ERLIN2: variants seen among roughly 807,000 people sequenced by gnomAD.
The protein encoded by ERLIN2 is ER lipid raft associated 2.
ERLIN2 carries 22 observed loss-of-function variants against 41.5 expected under a neutral mutation model. The ratio of observed to expected loss-of-function variants is 0.53; its 90% confidence interval spans 0.38 to 0.76. ERLIN2 has a LOEUF of 0.76. Among genes scored for constraint, ERLIN2 ranks in the 30% least tolerant of loss-of-function variants. The pLI, the probability that ERLIN2 is intolerant of heterozygous loss-of-function variation, is 0.00. For missense variants in ERLIN2, 247 were observed against 414.3 expected, an observed-to-expected ratio of 0.60 and a Z score of 3.51; for synonymous variants, 149 against 150.9, an observed-to-expected ratio of 0.99 and a Z score of 0.09.
chr8:37,745,606 G>C (rs1803016846), intron 6 of ERLIN2: 1 of 1,613,936 alleles, frequency 6.2e-7, no homozygotes, highest in African/African-American at 1.3e-5. Flanking sequence ...CTTCATAAAA[G>C]GGACCCTGAG....
intron 10 of ERLIN2, among the ~76,000 whole-genome samples, 179 bp from the exon 11 acceptor site, chr8:37,753,271 G>T (rs1803267608): frequency 6.6e-6 from 1 of 152,234 alleles, no homozygotes; most frequent in South Asian, 2.1e-4. Context: ...ACAACAACTT[G>T]TACAATAGGG....
Position 37,749,873 on chromosome 8 carries a change from G to C in ERLIN2, c.557+21G>C. The C allele has an allele frequency of 1.9e-6, 3 of 1,610,600 alleles. No homozygotes were observed. In the East Asian group the frequency reaches 6.7e-5, roughly 36 times the overall value. On this transcript the variant is annotated intron_variant, in intron 8 of 11. Coordinates refer to ENST00000519638, the MANE Select transcript of ERLIN2 (RefSeq NM_007175.8). The stretch of plus-strand genomic sequence containing the variant: ...TTGATGTGAGTATACCCTCCGCCTG[G>C]GCTGTGACCACCACTGCCTCCCACC...
chr8:37,744,870 A>G lies in ERLIN2; in HGVS notation c.424+174A>G, dbSNP rs758904131. 1.5e-4 allele frequency: 115 copies of G among 743,672 alleles called. No individual in the cohort carries two copies. The East Asian group carries it at 3.0e-3, about 19-fold the overall frequency. The allele number at this position is 743,672 out of a possible 1,614,324, so 46.1% of individuals were successfully genotyped here. On this transcript the variant is annotated intron_variant, in intron 6 of 11. Transcript: ENST00000519638. The stretch of plus-strand genomic sequence containing the variant: ...ACAAAGGAGTTCATGGAGAATGCTG[A>G]TAGCTATGCAACAAGATCCTTAGAG...
intron 6 of ERLIN2, chr8:37,745,787 A>T (rs1179477779): frequency 6.9e-7 from 1 of 1,442,122 alleles, no homozygotes. Flanking sequence ...GTAGTCTTTT[A>T]TCTGTTTTGG....
chr8:37,743,436 G>T (rs1476798859), intron 4 of ERLIN2, among the ~76,000 whole-genome samples: 1 of 152,206 alleles, frequency 6.6e-6, no homozygotes, highest in African/African-American at 2.4e-5. Context: ...TCCTCTGTAT[G>T]TGCAAGAAGA....
At chr8:37,748,009 T>G in intron 6 of ERLIN2, 1 of 1,609,982 alleles carries the variant, frequency 6.2e-7, no homozygotes, top group Non-Finnish European at 8.5e-7. Context: ...CGGCATGGTT[T>G]CCAGGAGCAA....
rs139935912 is a variant in ERLIN2, at chr8:37,749,867, C to A, written c.557+15C>A. On this transcript the variant is annotated intron_variant, in intron 8 of 11. Transcript: ENST00000519638. ...TACGAGTTGATGTGAGTATACCCTC[C>A]GCCTGGGCTGTGACCACCACTGCCT... The A allele has an allele frequency of 7.4e-6, 12 of 1,612,752 alleles. No homozygotes were observed. The highest frequency in any genetic ancestry group is 8.5e-6 in the Non-Finnish European group (10 of 1,178,846).
At chr8:37,745,429 A>C (rs1317786941) in intron 6 of ERLIN2, 2 of 818,318 alleles carry the variant, frequency 2.4e-6, no homozygotes, top group African/African-American at 3.4e-5. Flanking sequence ...TTAGCAGCAA[A>C]GGAAGGACAC....
intron 6 of ERLIN2, among the ~76,000 whole-genome samples, chr8:37,747,038 A>C (rs1330281188): frequency 6.6e-6 from 1 of 152,220 alleles, no homozygotes; most frequent in African/African-American, 2.4e-5. Flanking sequence ...GACCAGAGAC[A>C]CTCAAGCACT....
chr8:37,750,670 T>G (rs1803197641), intron 9 of ERLIN2, among the ~76,000 whole-genome samples, 184 bp downstream of exon 9: 1 of 151,904 alleles, frequency 6.6e-6, no homozygotes. Context: ...GGATAATGAG[T>G]TTTTTGAGTT....
In ERLIN2 at chr8:37,748,054, C is replaced by T. The variant is rs1803116818; in HGVS notation, c.425-1505C>T. 6 of 1,488,384 alleles carry T rather than the reference C, an allele frequency of 4.0e-6. No individual in the cohort carries two copies. In the African/African-American group the frequency reaches 4.1e-5, roughly 10 times the overall value. 92.2% of individuals were successfully genotyped at this position (1,488,384 alleles called of 1,614,324 possible). A position where few individuals can be genotyped will look rare whatever the true frequency, so the allele number is the denominator to read the frequency against. On this transcript the variant is annotated intron_variant, in intron 6 of 11. Transcript: ENST00000519638. ...CTCTACGCAAAGAAGAGGGTCGCGC[C>T]GAAATGACGTCACGAGCGCGCCTTG...
chr8:37,745,783 T>C, intron 6 of ERLIN2: 1 of 1,440,130 alleles, frequency 6.9e-7, no homozygotes, highest in South Asian at 1.5e-5. Context: ...GTTTGTAGTC[T>C]TTTATCTGTT....
At chr8:37,738,092 GC>G in intron 2 of ERLIN2, 63 bp downstream of exon 2, 3 of 1,588,054 alleles carry the variant, frequency 1.9e-6, no homozygotes, top group Non-Finnish European at 2.6e-6. Flanking sequence ...CCTGGTCATT[GC>G]TTTCCTAGCA....
At chr8:37,747,231 C>T (rs977823469) in intron 6 of ERLIN2, 3 of 719,966 alleles carry the variant, frequency 4.2e-6, no homozygotes, top group African/African-American at 1.7e-5. Flanking sequence ...AACATAAAGC[C>T]TTCTGCTGGG....
At chr8:37,738,947 A>G (rs1237363158) in intron 2 of ERLIN2, among the ~76,000 whole-genome samples, 1 of 152,242 alleles carries the variant, frequency 6.6e-6, no homozygotes, top group Non-Finnish European at 1.5e-5. Context: ...GACTTACGTC[A>G]ATCAAAGCAA....
In ERLIN2 at chr8:37,749,647, A is replaced by T; in HGVS notation, c.498+15A>T. ...TGGTCATTCAAGTAAGCATTGCTGC[A>T]TGGGAGCAGCCCCTCTCTCTCTGAC... On this transcript the variant is annotated intron_variant, in intron 7 of 11. Coordinates refer to ENST00000519638, the MANE Select transcript of ERLIN2 (RefSeq NM_007175.8). The T allele has an allele frequency of 6.3e-7, 1 of 1,597,172 alleles. No individual in the cohort carries two copies. The highest frequency in any genetic ancestry group is 2.2e-5 in the East Asian group (1 of 44,770).
At chr8:37,743,149 C>T (rs1802913748) in intron 4 of ERLIN2, among the ~76,000 whole-genome samples, 1 of 152,176 alleles carries the variant, frequency 6.6e-6, no homozygotes, top group African/African-American at 2.4e-5. Context: ...CTGGATTGGA[C>T]AGAGACTTAC....
Position 37,741,737 on chromosome 8 carries a change from C to T in ERLIN2, c.190-35C>T, listed in dbSNP as rs1428611064. 6.4e-7 allele frequency: 1 copy of T among 1,553,244 alleles called. No homozygotes were observed. The highest frequency in any genetic ancestry group is 1.4e-5 in the African/African-American group (1 of 73,646). On this transcript the variant is annotated intron_variant, in intron 3 of 11. Transcript: ENST00000519638. This position sits in a 1 kb window ranked among gnomAD's most constrained non-coding sequence, Gnocchi z 4.8. The stretch of plus-strand genomic sequence containing the variant: ...AAAAGTAAGTTACTTTGTCACTGCC[C>T]ATCTTCTAGCACTTTATGTTTCCTC...
intron 4 of ERLIN2, among the ~76,000 whole-genome samples, chr8:37,742,183 A>G (rs530486090): frequency 3.9e-4 from 59 of 152,170 alleles, no homozygotes; most frequent in Non-Finnish European, 6.6e-4. Context: ...CTCTACTAAA[A>G]TACAAAAATT....
Sources: allele counts gnomAD v4.1 joint callset (sites outside exome capture counted in the v4.1 genomes callset), GRCh38; gene constraint gnomAD v4.1.1; non-coding constraint Gnocchi (gnomAD v3.1); transcripts MANE v1.5; gene names NCBI Gene and HGNC (gene_info 2026-07-23, HGNC 2026-07-21).